KCNQ1: variants seen among roughly 807,000 people sequenced by gnomAD.
KCNQ1 encodes potassium voltage-gated channel subfamily Q member 1, also known as potassium voltage-gated channel subfamily KQT member 1.
KCNQ1 carries 49 observed loss-of-function variants against 72.4 expected under a neutral mutation model. The observed-to-expected ratio is 0.68, with a 90% CI of 0.54 to 0.86. The LOEUF (loss-of-function observed/expected upper bound fraction) is 0.86, where lower values mean the gene tolerates loss of function less well. Ranked by LOEUF, KCNQ1 falls within the 40% of genes least tolerant of loss-of-function variation. The pLI is 0.00. For missense variants in KCNQ1, 790 were observed against 945.1 expected, an observed-to-expected ratio of 0.84 and a Z score of 2.15; for synonymous variants, 450 against 412.6, an observed-to-expected ratio of 1.09 and a Z score of -1.10.
At position 2,608,295 on chromosome 11, in the gene KCNQ1, T is replaced by C. The variant is rs1373282448; in HGVS notation, c.1393+19441T>C. ...TAACTAATTCAATCTCTTTAACTTA[T>C]TACAGATCCATTCACATTTTCTACT... On this transcript the variant is annotated intron_variant, in intron 10 of 15. Coordinates refer to ENST00000155840, the MANE Select transcript of KCNQ1 (RefSeq NM_000218.3). The surrounding 1 kb of genome is among the most constrained non-coding windows in gnomAD (Gnocchi z 4.6). 2.5e-6 allele frequency: 1 copy of C among 398,114 alleles called. No homozygotes were observed. The highest frequency in any genetic ancestry group is 4.4e-5 in the Admixed American group (1 of 22,720). The allele number at this position is 398,114 out of a possible 1,614,324, so 24.7% of individuals were successfully genotyped here.
chr11:2,511,222 G>C (rs956295634), intron 1 of KCNQ1, among the ~76,000 whole-genome samples: 1 of 152,260 alleles, frequency 6.6e-6, no homozygotes, highest in Non-Finnish European at 1.5e-5. Context: ...TGACTGTCAC[G>C]GAAAAGGAGG....
rs547377197 is a variant in KCNQ1 at position 2,718,316 on chromosome 11, C to T, written c.1515-50528C>T. The stretch of plus-strand genomic sequence containing the variant: ...TTAGGGTGCCTCACCACACTCCATC[C>T]CTAGCCCCAGACTGGCTTCCCTGCA... On this transcript the variant is annotated intron_variant, in intron 11 of 15. Transcript: ENST00000155840. Among the ~76,000 whole-genome samples, 6 of 152,326 alleles carry T rather than the reference C, an allele frequency of 3.9e-5. No individual in the cohort carries two copies. In the East Asian group the frequency reaches 1.2e-3, roughly 29 times the overall value.
intron 11 of KCNQ1, among the ~76,000 whole-genome samples, chr11:2,741,492 C>T (rs1308295634): frequency 6.6e-6 from 1 of 152,192 alleles, no homozygotes; most frequent in Non-Finnish European, 1.5e-5. Context: ...CACCTGGTGC[C>T]TGTCCCCTGT....
At chr11:2,765,288 A>G (rs555792246) in intron 11 of KCNQ1, among the ~76,000 whole-genome samples, 1 of 152,362 alleles carries the variant, frequency 6.6e-6, no homozygotes, top group South Asian at 2.1e-4. Flanking sequence ...AATATCCAAA[A>G]TACATGGAGA....
chr11:2,643,820 T>C, intron 10 of KCNQ1: 2 of 398,614 alleles, frequency 5.0e-6, no homozygotes, highest in East Asian at 7.1e-5. Flanking sequence ...TTAAGGGAAA[T>C]ACTTTATTTC....
intron 7 of KCNQ1, among the ~76,000 whole-genome samples, chr11:2,584,208 C>G (rs1848549401): frequency 6.6e-6 from 1 of 152,090 alleles, no homozygotes; most frequent in African/African-American, 2.4e-5. Context: ...ACATGTATAT[C>G]AGTATGTTTG....
rs1399790797 is a variant in KCNQ1, at chr11:2,579,746, G to A, written c.922-3689G>A. ...TGGGGCTGGCCTTTCTCTCCCTCTCGGGGCACCCCTGCCTTCTACTGACCA... is the reference window on the plus strand; with the variant it reads ...TGGGGCTGGCCTTTCTCTCCCTCTCAGGGCACCCCTGCCTTCTACTGACCA... On this transcript the variant is annotated intron_variant, in intron 6 of 15. Transcript: ENST00000155840. The surrounding 1 kb of genome is among the most constrained non-coding windows in gnomAD (Gnocchi z 6.0). Among the ~76,000 whole-genome samples the A allele has an allele frequency of 6.6e-6, 1 of 152,042 alleles. No individual in the cohort carries two copies. Among genetic ancestry groups the A allele is most frequent in the African/African-American group, 2.4e-5 (1 of 41,390 alleles).
intron 1 of KCNQ1, among the ~76,000 whole-genome samples, chr11:2,487,923 T>C (rs1846769028): frequency 6.6e-6 from 1 of 152,196 alleles, no homozygotes; most frequent in Non-Finnish European, 1.5e-5. Flanking sequence ...ATAGAAGTGG[T>C]GAAAGTGGTC....
At chr11:2,594,020 C>G (rs1404838495) in intron 10 of KCNQ1, among the ~76,000 whole-genome samples, 1 of 152,182 alleles carries the variant, frequency 6.6e-6, no homozygotes. Context: ...AAACAATCCT[C>G]TTTTTGTTGA....
intron 10 of KCNQ1, chr11:2,641,532 A>G (rs1849576884): frequency 5.0e-6 from 2 of 398,404 alleles, no homozygotes; most frequent in Admixed American, 8.8e-5. Context: ...ATATTCTGGT[A>G]TTAGTACCTT....
intron 15 of KCNQ1, among the ~76,000 whole-genome samples, chr11:2,844,341 C>T (rs1268815758): frequency 6.6e-6 from 1 of 152,344 alleles, no homozygotes; most frequent in African/African-American, 2.4e-5. Context: ...GGCCCACCCC[C>T]GGGGCCTCTG....
intron 15 of KCNQ1, among the ~76,000 whole-genome samples, chr11:2,835,061 G>A (rs444109): frequency 1.3e-5 from 2 of 151,396 alleles, no homozygotes; most frequent in African/African-American, 4.8e-5. Flanking sequence ...GGGAGGGAGG[G>A]CGGCCCTGTC....
intron 10 of KCNQ1, chr11:2,619,589 G>C: frequency 2.5e-6 from 1 of 398,364 alleles, no homozygotes; most frequent in African/African-American, 2.1e-5. Flanking sequence ...AAGGATTTTT[G>C]CATCGGTATT....
intron 1 of KCNQ1, among the ~76,000 whole-genome samples, chr11:2,502,962 T>A (rs965724376): frequency 6.6e-6 from 1 of 152,180 alleles, no homozygotes; most frequent in Non-Finnish European, 1.5e-5. Flanking sequence ...TAAACGATGC[T>A]GGGAAAACTG....
In KCNQ1 at chr11:2,783,716, T is replaced by C. The variant is rs1335243776; in HGVS notation, c.1794+5679T>C. On this transcript the variant is annotated intron_variant, in intron 15 of 15. Transcript: ENST00000155840. This position sits in a 1 kb window ranked among gnomAD's most constrained non-coding sequence, Gnocchi z 5.2. Reference sequence around the variant, plus strand: ...TTAGTGAGTATGTAATGGTATCTCATTGTGGTTTTGATTTGCATTTCCCTA... The same window carrying C: ...TTAGTGAGTATGTAATGGTATCTCACTGTGGTTTTGATTTGCATTTCCCTA... Among the ~76,000 whole-genome samples the C allele has an allele frequency of 1.3e-5, 2 of 152,094 alleles. No homozygotes were observed. The highest frequency in any genetic ancestry group is 4.8e-5 in the African/African-American group (2 of 41,452).
intron 1 of KCNQ1, among the ~76,000 whole-genome samples, chr11:2,514,580 C>T (rs1054003025): frequency 4.6e-5 from 7 of 152,214 alleles, no homozygotes; most frequent in African/African-American, 1.7e-4. Context: ...GCCTGTAATC[C>T]CAGCACTTTG....
intron 2 of KCNQ1, among the ~76,000 whole-genome samples, chr11:2,532,512 G>T (rs1168455724): frequency 1.3e-5 from 2 of 152,340 alleles, no homozygotes; most frequent in East Asian, 3.9e-4. Context: ...GCACGTTGGG[G>T]ACACAGCAGA....
chr11:2,480,390 G>A (rs931427056), intron 1 of KCNQ1, among the ~76,000 whole-genome samples: 14 of 152,284 alleles, frequency 9.2e-5, no homozygotes, highest in Admixed American at 3.3e-4. Context: ...CAATCATGGC[G>A]GAAGATGAAG....
At chr11:2,505,176 C>T (rs942791376) in intron 1 of KCNQ1, among the ~76,000 whole-genome samples, 3 of 152,078 alleles carry the variant, frequency 2.0e-5, no homozygotes, top group Non-Finnish European at 2.9e-5. Flanking sequence ...AGGTGTTAAG[C>T]CCTACATGCA....
Sources: allele counts gnomAD v4.1 joint callset (sites outside exome capture counted in the v4.1 genomes callset), GRCh38; gene constraint gnomAD v4.1.1; non-coding constraint Gnocchi (gnomAD v3.1); transcripts MANE v1.5; gene names NCBI Gene and HGNC (gene_info 2026-07-23, HGNC 2026-07-21).